Variants in LOC400499 observed in about 807,000 individuals in gnomAD.
chr16:11,422,070 C>T, the LOC400499 span, among the ~76,000 whole-genome samples: 85 of 152,234 alleles, frequency 5.6e-4, no homozygotes, highest in African/African-American at 2.0e-3. Context: ...TTCGAGTTTG[C>T]AACCCCTGTA....
At chr16:11,490,656 A>G in the LOC400499 span, among the ~76,000 whole-genome samples, 2 of 152,188 alleles carry the variant, frequency 1.3e-5, no homozygotes, top group African/African-American at 4.8e-5. Context: ...AGCCAAGATC[A>G]CACCACTGCA....
At chr16:11,480,275 T>C in the LOC400499 span, among the ~76,000 whole-genome samples, 1 of 152,358 alleles carries the variant, frequency 6.6e-6, no homozygotes, top group South Asian at 2.1e-4. Context: ...AAAAACTGTT[T>C]ATATCTAGCG....
At chr16:11,430,124 G>A in the LOC400499 span, among the ~76,000 whole-genome samples, 1 of 152,274 alleles carries the variant, frequency 6.6e-6, no homozygotes, top group Non-Finnish European at 1.5e-5. Flanking sequence ...TTGAAAGCAG[G>A]CATCGGGAAG....
chr16:11,446,796 C>T, the LOC400499 span: 1 of 1,536,132 alleles, frequency 6.5e-7, no homozygotes, highest in Non-Finnish European at 8.7e-7. Context: ...GCAGGGTTTC[C>T]TCTCGGCCAT....
At chr16:11,471,702 C>G in the LOC400499 span, 1 of 399,130 alleles carries the variant, frequency 2.5e-6, no homozygotes, top group African/African-American at 2.1e-5. Context: ...GTCGGAGCCC[C>G]GGGTCCCGTT....
the LOC400499 span, among the ~76,000 whole-genome samples, chr16:11,501,537 T>G: frequency 6.6e-6 from 1 of 152,050 alleles, no homozygotes; most frequent in African/African-American, 2.4e-5. Context: ...TTAAATTTTT[T>G]GTAGAGATGG....
chr16:11,499,351 A>AG, the LOC400499 span, among the ~76,000 whole-genome samples: 5 of 105,054 alleles, frequency 4.8e-5, no homozygotes, highest in Admixed American at 9.6e-5. Context: ...GGCAGAGGGG[A>AG]ATGGGGGAAG....
At chr16:11,519,654 TTA>T in the LOC400499 span, among the ~76,000 whole-genome samples, 1 of 151,764 alleles carries the variant, frequency 6.6e-6, no homozygotes, top group Admixed American at 6.6e-5. Flanking sequence ...CTTGAAAATG[TTA>T]TGTTAAATGA....
the LOC400499 span, chr16:11,396,685 G>C: frequency 6.5e-6 from 8 of 1,231,986 alleles, no homozygotes; most frequent in African/African-American, 3.1e-5. Context: ...CCTGGGACGA[G>C]AGAGTCTAGG....
chr16:11,404,791 C>T, the LOC400499 span: 2 of 399,072 alleles, frequency 5.0e-6, no homozygotes, highest in East Asian at 3.6e-5. Flanking sequence ...CACAGCACCA[C>T]CTGGCGCAGG....
At chr16:11,426,018 G>T in the LOC400499 span, among the ~76,000 whole-genome samples, 1 of 152,152 alleles carries the variant, frequency 6.6e-6, no homozygotes, top group African/African-American at 2.4e-5. Flanking sequence ...TCCCACTAAA[G>T]CAAGGTTGGT....
At chr16:11,402,226 G>A in the LOC400499 span, 256 of 398,952 alleles carry the variant, frequency 6.4e-4, 1 homozygote, top group Middle Eastern at 6.9e-3. Context: ...CAGGCCCAAG[G>A]GGGTTCAGGG....
At chr16:11,483,780 T>A in the LOC400499 span, among the ~76,000 whole-genome samples, 2 of 146,530 alleles carry the variant, frequency 1.4e-5, no homozygotes, top group South Asian at 4.4e-4. Context: ...GAAGCTGAGG[T>A]GGAAGGATTG....
the LOC400499 span, among the ~76,000 whole-genome samples, chr16:11,517,347 T>TA: frequency 3.3e-5 from 5 of 152,120 alleles, no homozygotes; most frequent in African/African-American, 4.8e-5. Context: ...CCTGTGCATA[T>TA]AAAAAAATCT....
At chr16:11,508,174 C>T in the LOC400499 span, among the ~76,000 whole-genome samples, 1,500 of 152,296 alleles carry the variant, frequency 9.8e-3, 29 homozygotes, top group African/African-American at 0.034. Flanking sequence ...TTCCATCTTA[C>T]ATGTGGGTTC....
the LOC400499 span, among the ~76,000 whole-genome samples, chr16:11,482,255 G>C: frequency 9.2e-5 from 14 of 152,192 alleles, no homozygotes; most frequent in East Asian, 1.9e-4. Context: ...GGTGCAAGGA[G>C]GGGGAATGGA....
At chr16:11,460,463 G>A in the LOC400499 span, 3 of 1,515,502 alleles carry the variant, frequency 2.0e-6, no homozygotes, top group East Asian at 2.5e-5. Flanking sequence ...GTCGCACCTG[G>A]CCTGGGAACC....
chr16:11,494,780 C>G, the LOC400499 span: 7 of 399,090 alleles, frequency 1.8e-5, no homozygotes, highest in East Asian at 2.5e-4. Context: ...GAAATCGGCC[C>G]CCACCCGAGG....
At chr16:11,500,477 C>G in the LOC400499 span, among the ~76,000 whole-genome samples, 1 of 148,802 alleles carries the variant, frequency 6.7e-6, no homozygotes, top group Non-Finnish European at 1.5e-5. Context: ...CACTGCTGCA[C>G]TCCAGCTTGG....
Sources: gnomAD v4.1 joint callset for allele counts (sites outside exome capture counted in the v4.1 genomes callset) on GRCh38, gnomAD v4.1.1 for gene constraint, MANE v1.5 for transcripts.